Variants in TRIM14 observed in about 807,000 individuals in gnomAD.
TRIM14 encodes tripartite motif containing 14.
Under a neutral mutation model 44.5 loss-of-function variants are expected in TRIM14, and 28 were observed. The ratio of observed to expected loss-of-function variants is 0.63; its 90% CI spans 0.47 to 0.86. The LOEUF is 0.86. TRIM14 is among the 40% of genes least tolerant of loss of function. The pLI, the probability that TRIM14 is intolerant of heterozygous loss-of-function variation, is 0.00. For missense variants in TRIM14, 607 were observed against 611.1 expected (o/e 0.99, Z 0.07); for synonymous variants, 299 against 269.2 (o/e 1.11, Z -1.08).
At chr9:98,111,186 T>G (rs867410782) in intron 1 of TRIM14, among the ~76,000 whole-genome samples, 1 of 152,000 alleles carries the variant, frequency 6.6e-6, no homozygotes, top group Non-Finnish European at 1.5e-5. Context: ...AGATGTTTGG[T>G]GAATGATGGA....
At chr9:98,054,361 G>A in the TRIM14 span, among the ~76,000 whole-genome samples, 2 of 152,206 alleles carry the variant, frequency 1.3e-5, no homozygotes, top group African/African-American at 2.4e-5. Context: ...AAGTCTCCCC[G>A]AAATCTTACT....
chr9:98,100,938 A>G (rs1826365725), intron 2 of TRIM14, among the ~76,000 whole-genome samples: 1 of 152,160 alleles, frequency 6.6e-6, no homozygotes, highest in Admixed American at 6.5e-5. Context: ...CAAAGAATAA[A>G]TCAATTAGAT....
intron 1 of TRIM14, among the ~76,000 whole-genome samples, chr9:98,116,703 G>A (rs1228612020): frequency 6.6e-6 from 1 of 151,986 alleles, no homozygotes; most frequent in Non-Finnish European, 1.5e-5. Context: ...AATTAGCCAG[G>A]TGTGGTGGTG....
At chr9:98,083,700 A>C (rs1158066113), downstream of TRIM14, among the ~76,000 whole-genome samples, 1 of 152,226 alleles carries the variant, frequency 6.6e-6, no homozygotes, top group Non-Finnish European at 1.5e-5. Flanking sequence ...TCCTCAGAGA[A>C]CTTCCATTCA....
chr9:98,051,812 T>A, the TRIM14 span, among the ~76,000 whole-genome samples: 2 of 151,256 alleles, frequency 1.3e-5, no homozygotes, highest in Non-Finnish European at 2.9e-5. Flanking sequence ...GCTTCTACTG[T>A]GGATTTCATT....
rs1169613682 is a variant in TRIM14, at chr9:98,086,277, C to G, written c.*1193G>C. The G allele has an allele frequency of 2.0e-5, 3 of 152,368 alleles. No homozygotes were observed. The East Asian group carries it at 5.8e-4, about 29-fold the overall frequency. The allele number at this position is 152,368 out of a possible 1,614,324, so 9.4% of individuals were successfully genotyped here. Reference sequence around the variant, plus strand: ...GGCCAGGGGACAGGTCAGATGCTTGCCTGGGGGTGGGTGAACGGGGCACAC... The same window carrying G: ...GGCCAGGGGACAGGTCAGATGCTTGGCTGGGGGTGGGTGAACGGGGCACAC... On this transcript the variant is annotated 3_prime_UTR_variant, in exon 6 of 6. Coordinates refer to ENST00000341469, the MANE Select transcript of TRIM14 (RefSeq NM_014788.4).
chr9:98,092,440 T>TC, intron 4 of TRIM14: 1 of 344,420 alleles, frequency 2.9e-6, no homozygotes, highest in South Asian at 2.2e-5. Context: ...CCCACACCCT[T>TC]CCCCCCTTGC....
chr9:98,055,221 G>A, the TRIM14 span, among the ~76,000 whole-genome samples: 4 of 152,126 alleles, frequency 2.6e-5, no homozygotes, highest in Non-Finnish European at 5.9e-5. Flanking sequence ...GTTTCACCAT[G>A]TTGGCAAGGC....
chr9:98,039,019 C>A, the TRIM14 span, among the ~76,000 whole-genome samples: 1 of 151,844 alleles, frequency 6.6e-6, no homozygotes, highest in Non-Finnish European at 1.5e-5. Context: ...CACTGCACCC[C>A]AGCCTGGCGA....
the TRIM14 span, among the ~76,000 whole-genome samples, chr9:98,059,342 C>G: frequency 0.22 from 33,265 of 152,104 alleles, 3,862 homozygotes; most frequent in Admixed American, 0.27. Context: ...TTTTTAATAG[C>G]ATGAATACCT....
chr9:98,078,122 T>C, intron 6 of TRIM14: 1 of 1,594,526 alleles, frequency 6.3e-7, no homozygotes, highest in Non-Finnish European at 8.6e-7. Context: ...AGACCAGCAG[T>C]TGGGATGTGT....
At chr9:98,117,344 C>G (rs1827091645) in intron 1 of TRIM14, among the ~76,000 whole-genome samples, 1 of 152,068 alleles carries the variant, frequency 6.6e-6, no homozygotes, top group African/African-American at 2.4e-5. Context: ...GTCATCCAGG[C>G]TGGAGTGCGG....
chr9:98,117,276 TTTTATTTA>T lies in TRIM14; in HGVS notation c.207+1698_207+1705del, dbSNP rs55719181. Among the ~76,000 whole-genome samples the T allele has an allele frequency of 1.4e-3, 210 of 147,636 alleles. 1 individual carries two copies. The highest frequency in any genetic ancestry group is 6.1e-3 in the East Asian group (30 of 4,932). On this transcript the variant is annotated intron_variant, in intron 1 of 5. Coordinates refer to ENST00000341469, the MANE Select transcript of TRIM14 (RefSeq NM_014788.4). ...GTTGTTCTGCCATAGAGATTCTCTGTTTTATTTATTTATTTATTTATTTATTTATTTAT... is the reference window on the plus strand; with the variant it reads ...GTTGTTCTGCCATAGAGATTCTCTGTTTTATTTATTTATTTATTTATTTAT...
chr9:98,052,289 A>G, the TRIM14 span, among the ~76,000 whole-genome samples: 1 of 151,956 alleles, frequency 6.6e-6, no homozygotes, highest in African/African-American at 2.4e-5. Flanking sequence ...TCTCATGTGG[A>G]CCTCAAGAAT....
At chr9:98,112,980 G>C (rs1322482582) in intron 1 of TRIM14, among the ~76,000 whole-genome samples, 1 of 151,180 alleles carries the variant, frequency 6.6e-6, no homozygotes, top group Admixed American at 6.6e-5. Context: ...TGGGCATGGT[G>C]TTGTGCACCT....
the TRIM14 span, among the ~76,000 whole-genome samples, chr9:98,060,129 C>T: frequency 1.5e-4 from 23 of 152,172 alleles, no homozygotes; most frequent in South Asian, 8.3e-4. Flanking sequence ...GCTGAGTTGA[C>T]TATTCTTTGC....
the TRIM14 span, among the ~76,000 whole-genome samples, chr9:98,053,372 A>T: frequency 1.3e-5 from 2 of 152,330 alleles, no homozygotes; most frequent in East Asian, 3.9e-4. Context: ...ATAAAACAAC[A>T]TGAGAGAGAA....
chr9:98,107,565 T>C (rs1212767624), intron 2 of TRIM14, among the ~76,000 whole-genome samples: 1 of 152,236 alleles, frequency 6.6e-6, no homozygotes, highest in African/African-American at 2.4e-5. Context: ...TCCATTTTTA[T>C]GACATTTTCA....
chr9:98,092,430 C>G (rs1587948777), intron 4 of TRIM14: 3 of 333,948 alleles, frequency 9.0e-6, no homozygotes, highest in Admixed American at 3.7e-5. Flanking sequence ...GGACAGCCCC[C>G]CCACACCCTT....
Sources: gnomAD v4.1 joint callset for allele counts (sites outside exome capture counted in the v4.1 genomes callset) on GRCh38, gnomAD v4.1.1 for gene constraint, MANE v1.5 for transcripts, NCBI Gene and HGNC (gene_info 2026-07-23, HGNC 2026-07-21) for gene names.